The following RELN variants were observed in gnomAD, a reference collection of about 807,000 sequenced individuals.
RELN encodes the protein reelin.
In RELN, 108 loss-of-function variants were observed where a neutral mutation model predicts 427.6. The ratio of observed to expected loss-of-function variants is 0.25; its 90% CI spans 0.22 to 0.30. RELN has a LOEUF of 0.30. RELN is among the 10% of genes least tolerant of loss of function. The pLI is 1.00. For synonymous variants in RELN, 1,524 were observed against 1,513.4 expected, an observed-to-expected ratio of 1.01 and a Z score of -0.16; for missense variants, 3,715 against 4,302.8, an observed-to-expected ratio of 0.86 and a Z score of 3.82.
chr7:103,581,123 C>G (rs1199552240), intron 28 of RELN, among the ~76,000 whole-genome samples: 1 of 152,056 alleles, frequency 6.6e-6, no homozygotes, highest in Non-Finnish European at 1.5e-5. Flanking sequence ...AGAGTACAAT[C>G]AAGAACTGAG....
At chr7:103,542,947 G>C (rs1477195682) in intron 42 of RELN, 69 bp from the exon 43 acceptor site, 1 of 1,477,310 alleles carries the variant, frequency 6.8e-7, no homozygotes, top group East Asian at 2.3e-5. Flanking sequence ...ATTTTTAAAA[G>C]GAGTATGGTA....
chr7:103,501,006 CAAGAG>C lies in RELN; in HGVS notation c.8490-89_8490-85del, dbSNP rs1829008719. 3 of 1,258,882 alleles carry C rather than the reference CAAGAG, an allele frequency of 2.4e-6. No individual in the cohort carries two copies. The African/African-American group carries it at 4.4e-5, about 18-fold the overall frequency. 78.0% of individuals were successfully genotyped at this position (1,258,882 alleles called of 1,614,324 possible). ...TTGTCCTGCATGTGTATTCAGTACT[CAAGAG>C]AAAAAACATTTAAGATACTCTTACT... On this transcript the variant is annotated intron_variant, in intron 52 of 64. Coordinates refer to ENST00000428762, the MANE Select transcript of RELN (RefSeq NM_005045.4).
At chr7:103,907,292 T>G (rs1039384917) in intron 2 of RELN, among the ~76,000 whole-genome samples, 5 of 147,318 alleles carry the variant, frequency 3.4e-5, no homozygotes, top group African/African-American at 1.3e-4. Context: ...GGTGCACACC[T>G]GTAGTCCCAG....
At chr7:103,797,554 C>T (rs1248864915) in intron 3 of RELN, among the ~76,000 whole-genome samples, 1 of 152,164 alleles carries the variant, frequency 6.6e-6, no homozygotes, top group Non-Finnish European at 1.5e-5. Flanking sequence ...AATTAACATT[C>T]CGATTTTACT....
chr7:103,766,387 C>G (rs1791424906), intron 4 of RELN, among the ~76,000 whole-genome samples: 1 of 152,120 alleles, frequency 6.6e-6, no homozygotes, highest in Non-Finnish European at 1.5e-5. Context: ...AAACCCAATT[C>G]TGACAATGAG....
intron 3 of RELN, among the ~76,000 whole-genome samples, chr7:103,816,464 ACACAGT>A (rs1792871871): frequency 6.6e-6 from 1 of 152,068 alleles, no homozygotes; most frequent in African/African-American, 2.4e-5. Flanking sequence ...ATCAATATGC[ACACAGT>A]ATCTCCCAAA....
chr7:103,862,310 T>C (rs1021956251), intron 2 of RELN, among the ~76,000 whole-genome samples: 1 of 152,140 alleles, frequency 6.6e-6, no homozygotes, highest in African/African-American at 2.4e-5. Flanking sequence ...ATGTTCATAG[T>C]CTTCAGGTGG....
chr7:103,865,132 CAAAAAAAAAAA>C (rs386410871), intron 2 of RELN, among the ~76,000 whole-genome samples: 1 of 67,198 alleles, frequency 1.5e-5, no homozygotes, highest in South Asian at 5.5e-4. Flanking sequence ...GAAACTGTCT[CAAAAAAAAAAA>C]AAAAAAAAAA....
chr7:103,528,605 T>C (rs1009992097), intron 46 of RELN, among the ~76,000 whole-genome samples: 17 of 152,118 alleles, frequency 1.1e-4, no homozygotes, highest in African/African-American at 2.9e-4. Context: ...CTCAGCTCAC[T>C]GCAATCTCTG....
chr7:103,835,077 T>C (rs1793366263), intron 2 of RELN, among the ~76,000 whole-genome samples: 2 of 152,178 alleles, frequency 1.3e-5, no homozygotes, highest in South Asian at 2.1e-4. Flanking sequence ...GAATGGATAA[T>C]GTGGTACATC....
chr7:103,891,224 A>G (rs912727242), intron 2 of RELN, among the ~76,000 whole-genome samples: 4 of 152,228 alleles, frequency 2.6e-5, no homozygotes, highest in African/African-American at 7.2e-5. Flanking sequence ...TGCTTGAGCT[A>G]GAATAAACTC....
chr7:103,790,936 G>A (rs1329009186), intron 3 of RELN, among the ~76,000 whole-genome samples: 1 of 151,998 alleles, frequency 6.6e-6, no homozygotes, highest in Non-Finnish European at 1.5e-5. Context: ...ACTCCAGCCT[G>A]GGCAACAGAG....
chr7:103,735,915 T>C (rs1042114580), intron 6 of RELN, among the ~76,000 whole-genome samples: 3 of 152,332 alleles, frequency 2.0e-5, no homozygotes, highest in Non-Finnish European at 4.4e-5. Flanking sequence ...TGAATGGAGA[T>C]AGTCAGATAA....
intron 2 of RELN, among the ~76,000 whole-genome samples, chr7:103,847,529 A>C (rs1159087814): frequency 1.3e-5 from 2 of 152,234 alleles, no homozygotes; most frequent in Non-Finnish European, 2.9e-5. Flanking sequence ...ACAAACCTGC[A>C]TGTCCTGCAC....
intron 6 of RELN, among the ~76,000 whole-genome samples, chr7:103,742,362 T>C (rs62480693): frequency 0.31 from 46,543 of 151,992 alleles, 7,859 homozygotes; most frequent in Non-Finnish European, 0.38. Flanking sequence ...AGAGCGCCTC[T>C]CCTCCTCCAA....
In RELN at chr7:103,561,959, CAA is replaced by C. The variant is rs34125550; in HGVS notation, c.5211-8_5211-7del. 0.22 allele frequency: 285,215 copies of C among 1,279,396 alleles called. 4,228 individuals are homozygous for C. Among genetic ancestry groups the C allele is most frequent in the Middle Eastern group, 0.25 (915 of 3,596 alleles). The allele number at this position is 1,279,396 out of a possible 1,614,324, so 79.3% of individuals were successfully genotyped here. On this transcript the variant is annotated splice_region_variant and splice_polypyrimidine_tract_variant and intron_variant, in intron 34 of 64. Transcript: ENST00000428762. ...TGAACCGGGTCCTGGGAGAACTAAC[CAA>C]AAAAAAAAAAAAAAAAACACACCAC...
chr7:103,870,232 G>A (rs1278978971), intron 2 of RELN, among the ~76,000 whole-genome samples: 2 of 151,970 alleles, frequency 1.3e-5, no homozygotes, highest in Non-Finnish European at 2.9e-5. Context: ...CAGCATCTGG[G>A]CCATCTCAGG....
chr7:103,562,061 A>G (rs1198107753), intron 34 of RELN, 108 bp from the exon 35 acceptor site: 87 of 1,315,144 alleles, frequency 6.6e-5, no homozygotes, highest in Non-Finnish European at 9.0e-5. Context: ...GCCTTCCTCC[A>G]GGGTCCAGTT....
chr7:103,581,090 T>G (rs1831120265), intron 28 of RELN, among the ~76,000 whole-genome samples: 6 of 152,048 alleles, frequency 3.9e-5, no homozygotes, highest in Admixed American at 3.9e-4. Flanking sequence ...AAAAGAGAGA[T>G]GTTCTCAGGG....
Sources: allele counts gnomAD v4.1 joint callset (sites outside exome capture counted in the v4.1 genomes callset), GRCh38; gene constraint gnomAD v4.1.1; transcripts MANE v1.5; gene names NCBI Gene and HGNC (gene_info 2026-07-23, HGNC 2026-07-21).